The following LSM7 variants were observed in gnomAD, a reference collection of about 807,000 sequenced individuals.
The protein encoded by LSM7 is U6 snRNA-associated Sm-like protein LSm7.
In LSM7, 13 loss-of-function variants were observed where a neutral mutation model predicts 14.1. The observed-to-expected ratio is 0.92, with a 90% CI of 0.60 to 1.47. LSM7 has a LOEUF of 1.47. Ranked by LOEUF, LSM7 falls within the 40% of genes most tolerant of loss-of-function variation. LSM7 has a pLI of 0.00. For synonymous variants in LSM7, 70 were observed against 57.1 expected, an observed-to-expected ratio of 1.23 and a Z score of -1.02; for missense variants, 108 against 140.8, an observed-to-expected ratio of 0.77 and a Z score of 1.18.
chr19:2,326,308 CTTTTTGTGTGTG>C (rs1968014437), intron 2 of LSM7, among the ~76,000 whole-genome samples: 1 of 109,782 alleles, frequency 9.1e-6, no homozygotes, highest in Admixed American at 9.4e-5. Flanking sequence ...ACCCTTTCTG[CTTTTTGTGTGTG>C]TGTGTGTGTG....
intron 2 of LSM7, among the ~76,000 whole-genome samples, chr19:2,325,460 A>G (rs532936587): frequency 6.6e-6 from 1 of 152,164 alleles, no homozygotes; most frequent in Admixed American, 6.5e-5. Flanking sequence ...ACCAACCCAC[A>G]GCCCTTACGG....
In LSM7 at chr19:2,321,565, C is replaced by A; in HGVS notation, c.*115G>T. The stretch of plus-strand genomic sequence containing the variant: ...TAAGAAAACAAAAATTCAACCTATA[C>A]AAAAAGGAAAATGCTTCCGTTCCAG... On this transcript the variant is annotated 3_prime_UTR_variant, in exon 4 of 4. Coordinates refer to ENST00000252622, the MANE Select transcript of LSM7 (RefSeq NM_016199.3). The surrounding 1 kb of genome is among the most constrained non-coding windows in gnomAD (Gnocchi z 5.0). 1.7e-6 allele frequency: 2 copies of A among 1,176,272 alleles called. No homozygotes were observed. The highest frequency in any genetic ancestry group is 2.2e-6 in the Non-Finnish European group (2 of 910,856). 72.9% of individuals were successfully genotyped at this position (1,176,272 alleles called of 1,614,324 possible).
rs192930103 is a variant in LSM7 at position 2,323,507 on chromosome 19, G to A, written c.169+618C>T. 2.7e-3 allele frequency among the ~76,000 whole-genome samples: 418 copies of A among 152,306 alleles called. 1 individual carries two copies. Among genetic ancestry groups the A allele is most frequent in the African/African-American group, 9.7e-3 (403 of 41,576 alleles). ...ACTCTGTTACTCAGGCTGGAGTGCA[G>A]TTGCACCATCTCGGCTCACTGCAAC... On this transcript the variant is annotated intron_variant, in intron 3 of 3. Transcript: ENST00000252622.
At chr19:2,325,680 C>A (rs374816837) in intron 2 of LSM7, among the ~76,000 whole-genome samples, 7 of 152,170 alleles carry the variant, frequency 4.6e-5, no homozygotes, top group Non-Finnish European at 1.0e-4. Flanking sequence ...CTGCAAACTA[C>A]GACCCCCAGG....
intron 2 of LSM7, 95 bp downstream of exon 2, chr19:2,328,292 A>G (rs770779886): frequency 5.5e-5 from 57 of 1,044,748 alleles, no homozygotes; most frequent in Non-Finnish European, 7.4e-5. Flanking sequence ...GAAAATAAAT[A>G]AAAGAGGTGC....
chr19:2,325,481 T>C (rs1274386260), intron 2 of LSM7, among the ~76,000 whole-genome samples: 1 of 152,100 alleles, frequency 6.6e-6, no homozygotes, highest in African/African-American at 2.4e-5. Flanking sequence ...TGCTGCCCTC[T>C]GCACGCCCAC....
intron 3 of LSM7, 37 bp downstream of exon 3, chr19:2,324,088 T>G (rs1967978125): frequency 2.8e-6 from 2 of 713,724 alleles, no homozygotes; most frequent in South Asian, 2.3e-5. Context: ...ACTATCCCCC[T>G]CGTCCCGCTG....
At chr19:2,324,483 C>A (rs902979001) in intron 2 of LSM7, 3 of 492,010 alleles carry the variant, frequency 6.1e-6, no homozygotes, top group Non-Finnish European at 1.1e-5. Context: ...GAGGCAGCTT[C>A]GGTAATGAGT....
At position 2,321,727 on chromosome 19, in the gene LSM7, C is replaced by A; in HGVS notation, c.265G>T (p.Gly89Cys). The change falls in exon 4 of 4, where the codon GGC becomes TGC. Residue 89 changes from glycine (G) to cysteine (C), a missense_variant. Transcript: ENST00000252622. The surrounding 1 kb of genome is among the most constrained non-coding windows in gnomAD (Gnocchi z 5.0). Reference sequence around the variant, plus strand: ...AAGGGGTTGGGGATGGCCTCCATGCCGTCCTGCGGGCAGATTAGCACCACG... The same window carrying A: ...AAGGGGTTGGGGATGGCCTCCATGCAGTCCTGCGGGCAGATTAGCACCACG... ...TSVVLICPQD[G>C]MEAIPNPFIQ... is the part of the protein sequence containing the mutation. 1 of 1,569,270 alleles carries A rather than the reference C, an allele frequency of 6.4e-7. No homozygotes were observed. Among genetic ancestry groups the A allele is most frequent in the East Asian group, 2.4e-5 (1 of 42,198 alleles).
In LSM7 at chr19:2,328,577, C is replaced by T; in HGVS notation, c.-11G>A. 6.3e-7 allele frequency: 1 copy of T among 1,578,076 alleles called. No homozygotes were observed. Among genetic ancestry groups the T allele is most frequent in the South Asian group, 1.1e-5 (1 of 87,778 alleles). ...CGCGCTCACCGCCATCTTGTCGCGC[C>T]GTGTGGCTCTTCGCAGGCACCGCCC... On this transcript the variant is annotated 5_prime_UTR_variant, in exon 1 of 4. Coordinates refer to ENST00000252622, the MANE Select transcript of LSM7 (RefSeq NM_016199.3).
At chr19:2,328,348 T>A (rs1404710523) in intron 2 of LSM7, 39 bp downstream of exon 2, 20 of 1,575,720 alleles carry the variant, frequency 1.3e-5, no homozygotes, top group Admixed American at 1.7e-5. Context: ...TTATTTGAAA[T>A]TTTTAAAGAG....
chr19:2,322,851 C>G (rs1169333764), intron 3 of LSM7, among the ~76,000 whole-genome samples: 2 of 152,002 alleles, frequency 1.3e-5, no homozygotes, highest in Non-Finnish European at 2.9e-5. Flanking sequence ...GCTGGGGCCA[C>G]AGGCACATGT....
chr19:2,322,315 G>A (rs1330595953), intron 3 of LSM7, among the ~76,000 whole-genome samples: 8 of 152,284 alleles, frequency 5.3e-5, no homozygotes, highest in Middle Eastern at 3.4e-3. Context: ...CAAGGCAGGC[G>A]GATCACGAGG....
At position 2,321,751 on chromosome 19, in the gene LSM7, C is replaced by T. The variant is rs745899357; in HGVS notation, c.241G>A (p.Val81Met). 7.0e-6 allele frequency: 11 copies of T among 1,563,332 alleles called. No homozygotes were observed. The highest frequency in any genetic ancestry group is 2.4e-5 in the South Asian group (2 of 84,210). Reference protein sequence around the residue: ...LGLVVCRGTSVVLICPQDGME... With the variant: ...LGLVVCRGTSMVLICPQDGME... ...CCGTCCTGCGGGCAGATTAGCACCACGGACGTGCCCCGGCACACCACGAGG... is the reference window on the plus strand; with the variant it reads ...CCGTCCTGCGGGCAGATTAGCACCATGGACGTGCCCCGGCACACCACGAGG... Residue 81 changes from valine (V) to methionine (M), a missense_variant, in exon 4 of 4, where the codon GTG becomes ATG. Physicochemically the swap from Val to Met is conservative, Grantham distance 21. Transcript: ENST00000252622. This position sits in a 1 kb window ranked among gnomAD's most constrained non-coding sequence, Gnocchi z 5.0.
intron 3 of LSM7, among the ~76,000 whole-genome samples, chr19:2,322,108 G>A (rs950646742): frequency 2.0e-5 from 3 of 152,172 alleles, no homozygotes; most frequent in Admixed American, 6.5e-5. Flanking sequence ...GCTACCCCGC[G>A]TCTCAGAGCT....
Position 2,321,728 on chromosome 19 carries a change from G to A in LSM7, c.264C>T (p.Asp88=), listed in dbSNP as rs199595480. The A allele has an allele frequency of 1.7e-4, 262 of 1,569,548 alleles. No homozygotes were observed. In the African/African-American group the frequency reaches 2.5e-3, roughly 15 times the overall value. ...GTSVVLICPQ[D]GMEAIPNPFI... is the part of the protein sequence containing the mutation. Reference sequence around the variant, plus strand: ...AGGGGTTGGGGATGGCCTCCATGCCGTCCTGCGGGCAGATTAGCACCACGG... The same window carrying A: ...AGGGGTTGGGGATGGCCTCCATGCCATCCTGCGGGCAGATTAGCACCACGG... Residue 88 remains aspartate, a synonymous_variant, in exon 4 of 4, where the codon GAC becomes GAT. Coordinates refer to ENST00000252622, the MANE Select transcript of LSM7 (RefSeq NM_016199.3). This position sits in a 1 kb window ranked among gnomAD's most constrained non-coding sequence, Gnocchi z 5.0.
Position 2,326,500 on chromosome 19 carries a change from T to A in LSM7, c.97+1887A>T, listed in dbSNP as rs950798207. ...ACAGGCATGCGCCACCATGCCCAAA[T>A]AATTTTTGTATTTTTAGTAGAGATG... is the stretch of plus-strand genomic sequence containing the variant. On this transcript the variant is annotated intron_variant, in intron 2 of 3. Coordinates refer to ENST00000252622, the MANE Select transcript of LSM7 (RefSeq NM_016199.3). Among the ~76,000 whole-genome samples, 9 of 152,164 alleles carry A rather than the reference T, an allele frequency of 5.9e-5. No individual in the cohort carries two copies. In the East Asian group the frequency reaches 1.7e-3, roughly 29 times the overall value.
At chr19:2,324,060 C>T (rs570958825) in intron 3 of LSM7, 65 bp downstream of exon 3, 44 of 1,003,382 alleles carry the variant, frequency 4.4e-5, no homozygotes, top group Admixed American at 9.0e-5. Context: ...CCCCTCGTCC[C>T]GCTGCCCCCC....
rs189017788 is a variant in LSM7, at chr19:2,324,106, C to A, written c.169+19G>T. 7 of 1,533,690 alleles carry A rather than the reference C, an allele frequency of 4.6e-6. No individual in the cohort carries two copies. Among genetic ancestry groups the A allele is most frequent in the Non-Finnish European group, 5.3e-6 (6 of 1,140,230 alleles). On this transcript the variant is annotated intron_variant, in intron 3 of 3. Coordinates refer to ENST00000252622, the MANE Select transcript of LSM7 (RefSeq NM_016199.3). The stretch of plus-strand genomic sequence containing the variant: ...ATCCCCCTCGTCCCGCTGCCTGCCT[C>A]GGCCGCCACCCCACTCACCTCGCAT...
Sources: allele counts gnomAD v4.1 joint callset (sites outside exome capture counted in the v4.1 genomes callset), GRCh38; gene constraint gnomAD v4.1.1; non-coding constraint Gnocchi (gnomAD v3.1); transcripts MANE v1.5; gene names NCBI Gene and HGNC (gene_info 2026-07-23, HGNC 2026-07-21).